Variants in CNTNAP2 observed in about 807,000 individuals in gnomAD.
CNTNAP2 encodes the protein contactin associated protein 2, also known as contactin-associated protein-like 2.
In CNTNAP2, 98 loss-of-function variants were observed where a neutral mutation model predicts 155.2. That is an observed-to-expected ratio of 0.63 (90% CI 0.54 to 0.75). The LOEUF is 0.75. Ranked by LOEUF, CNTNAP2 falls within the 30% of genes least tolerant of loss-of-function variation. The pLI is 0.00. For missense variants in CNTNAP2, 1,727 were observed against 1,688.1 expected (o/e 1.02, Z -0.40); for synonymous variants, 651 against 631.2 (o/e 1.03, Z -0.47).
At chr7:148,398,948 T>C (rs1271798015) in intron 22 of CNTNAP2, among the ~76,000 whole-genome samples, 4 of 152,232 alleles carry the variant, frequency 2.6e-5, no homozygotes, top group African/African-American at 9.6e-5. Context: ...TTAACTATCA[T>C]AATTTTCTCA....
intron 8 of CNTNAP2, among the ~76,000 whole-genome samples, chr7:147,267,311 T>A (rs936168121): frequency 2.6e-5 from 4 of 152,174 alleles, no homozygotes; most frequent in Non-Finnish European, 5.9e-5. Flanking sequence ...GCATGGAAAT[T>A]CAAAAGACAA....
At chr7:146,863,095 TA>T (rs1337493209) in intron 3 of CNTNAP2, among the ~76,000 whole-genome samples, 1 of 152,170 alleles carries the variant, frequency 6.6e-6, no homozygotes, top group African/African-American at 2.4e-5. Flanking sequence ...TTTGATAACT[TA>T]AAAACTCCTT....
intron 21 of CNTNAP2, among the ~76,000 whole-genome samples, chr7:148,310,345 T>C (rs1797570943): frequency 6.6e-6 from 1 of 152,216 alleles, no homozygotes; most frequent in South Asian, 2.1e-4. Flanking sequence ...AGTGAGTAAG[T>C]CAAGGCCTCA....
At position 148,418,094 on chromosome 7, in the gene CNTNAP2, G is replaced by A. The variant is rs1035930734; in HGVS notation, c.*2478G>A. The A allele has an allele frequency of 6.6e-6, 1 of 152,222 alleles. No homozygotes were observed. The highest frequency in any genetic ancestry group is 2.4e-5 in the African/African-American group (1 of 41,454). The allele number at this position is 152,222 out of a possible 1,614,324, so 9.4% of individuals were successfully genotyped here. ...AACCAAACGGTGGATAAAGTATTAA[G>A]TAACTAAGTGCCAAATAAATGCTGG... is the stretch of plus-strand genomic sequence containing the variant. On this transcript the variant is annotated 3_prime_UTR_variant, in exon 24 of 24. Transcript: ENST00000361727.
chr7:147,272,766 T>A (rs751495541), intron 8 of CNTNAP2, among the ~76,000 whole-genome samples: 1 of 151,560 alleles, frequency 6.6e-6, no homozygotes, highest in Admixed American at 6.6e-5. Flanking sequence ...CTTGGCCTCC[T>A]AAAGTGCTGG....
chr7:146,444,962 G>GC (rs1371929494), intron 1 of CNTNAP2, among the ~76,000 whole-genome samples: 2 of 151,766 alleles, frequency 1.3e-5, no homozygotes, highest in Non-Finnish European at 2.9e-5. Flanking sequence ...AGACACATAA[G>GC]CCACCACGCC....
chr7:146,910,321 T>A (rs201246351), intron 3 of CNTNAP2, among the ~76,000 whole-genome samples: 148 of 146,984 alleles, frequency 1.0e-3, no homozygotes, highest in African/African-American at 3.6e-3. Context: ...GTTCATATGG[T>A]ACCAAAAAAG....
chr7:148,248,410 G>A (rs1796312108), intron 20 of CNTNAP2, among the ~76,000 whole-genome samples: 1 of 152,070 alleles, frequency 6.6e-6, no homozygotes. Context: ...TGTTGACCAG[G>A]CTGGTCTTGA....
At chr7:147,378,607 G>GT (rs1796481400) in intron 9 of CNTNAP2, among the ~76,000 whole-genome samples, 1 of 152,038 alleles carries the variant, frequency 6.6e-6, no homozygotes, top group Admixed American at 6.6e-5. Context: ...AGGCTGGGAA[G>GT]GATAGTGGGT....
intron 1 of CNTNAP2, among the ~76,000 whole-genome samples, chr7:146,551,556 G>T (rs1798122688): frequency 6.6e-6 from 1 of 151,518 alleles, no homozygotes; most frequent in South Asian, 2.1e-4. Context: ...CATTTGGGTT[G>T]GTTCCAAGTC....
At chr7:147,390,388 T>C (rs541070606) in intron 9 of CNTNAP2, among the ~76,000 whole-genome samples, 82 of 152,322 alleles carry the variant, frequency 5.4e-4, no homozygotes, top group African/African-American at 1.3e-3. Flanking sequence ...TTATTATCTC[T>C]TACTTTTCTG....
chr7:147,804,212 A>C (rs1798053391), intron 13 of CNTNAP2, among the ~76,000 whole-genome samples: 1 of 152,206 alleles, frequency 6.6e-6, no homozygotes, highest in Non-Finnish European at 1.5e-5. Flanking sequence ...GAGTTTTTTC[A>C]TACATTATTG....
intron 1 of CNTNAP2, among the ~76,000 whole-genome samples, chr7:146,453,275 A>G (rs561892027): frequency 4.1e-4 from 63 of 152,348 alleles, no homozygotes; most frequent in African/African-American, 1.5e-3. Context: ...ATAGAGCTCA[A>G]ACTATCTGCT....
intron 3 of CNTNAP2, among the ~76,000 whole-genome samples, chr7:146,966,067 A>G (rs1393194301): frequency 1.3e-5 from 2 of 152,218 alleles, no homozygotes; most frequent in African/African-American, 4.8e-5. Flanking sequence ...ATAGAGCTCC[A>G]CAGTGGTGCT....
intron 11 of CNTNAP2, among the ~76,000 whole-genome samples, chr7:147,561,301 C>T (rs2116787450): frequency 6.6e-6 from 1 of 152,238 alleles, no homozygotes; most frequent in Admixed American, 6.5e-5. Context: ...GAAAACATAT[C>T]TTAGTTTTGT....
intron 4 of CNTNAP2, among the ~76,000 whole-genome samples, chr7:147,077,141 C>CT (rs1800015258): frequency 6.6e-6 from 1 of 152,122 alleles, no homozygotes; most frequent in African/African-American, 2.4e-5. Flanking sequence ...TCCTTAAATT[C>CT]TTTTTTCCAT....
chr7:147,770,123 T>C (rs574895191), intron 13 of CNTNAP2, among the ~76,000 whole-genome samples: 1 of 152,320 alleles, frequency 6.6e-6, no homozygotes, highest in Non-Finnish European at 1.5e-5. Flanking sequence ...GTGTAATTTG[T>C]AGTTCAATTC....
intron 1 of CNTNAP2, among the ~76,000 whole-genome samples, chr7:146,641,977 CA>C (rs1273472682): frequency 5.9e-5 from 9 of 151,690 alleles, no homozygotes; most frequent in African/African-American, 2.2e-4. Context: ...TGAGAACATT[CA>C]AGAAAAGAAC....
At chr7:146,938,106 A>G (rs554100555) in intron 3 of CNTNAP2, among the ~76,000 whole-genome samples, 15 of 152,158 alleles carry the variant, frequency 9.9e-5, no homozygotes, top group Admixed American at 9.8e-4. Flanking sequence ...TATAACAAAG[A>G]TAAGTGAATT....
Sources: allele counts gnomAD v4.1 joint callset (sites outside exome capture counted in the v4.1 genomes callset), GRCh38; gene constraint gnomAD v4.1.1; transcripts MANE v1.5; gene names NCBI Gene and HGNC (gene_info 2026-07-23, HGNC 2026-07-21).